CCNB3: variants seen among roughly 807,000 people sequenced by gnomAD.
CCNB3 encodes the protein G2/mitotic-specific cyclin-B3.
CCNB3 carries 12 observed loss-of-function variants against 68.0 expected under a neutral mutation model. The ratio of observed to expected loss-of-function variants is 0.18; its 90% CI spans 0.11 to 0.29. The LOEUF is 0.29. Among genes scored for constraint, CCNB3 ranks in the 10% least tolerant of loss-of-function variants. The pLI is 1.00. For synonymous variants in CCNB3, 354 were observed against 388.9 expected (o/e 0.91, Z 1.06); for missense variants, 904 against 993.1 (o/e 0.91, Z 1.21).
intron 11 of CCNB3, among the ~76,000 whole-genome samples, chrX:50,348,879 A>G (rs1923535038): frequency 8.9e-6 from 1 of 112,616 alleles, no homozygotes; most frequent in South Asian, 3.7e-4. Flanking sequence ...CCCATGCTGA[A>G]CCAGGCTTTG....
intron 8 of CCNB3, among the ~76,000 whole-genome samples, chrX:50,321,066 A>G (rs1313874611): frequency 9.0e-6 from 1 of 111,400 alleles, no homozygotes; most frequent in African/African-American, 3.3e-5. Context: ...TAACAATTTT[A>G]CTATTGTTTC....
In CCNB3 at chrX:50,351,813, C is replaced by T. The variant is rs1355320416; in HGVS notation, c.*110C>T. The T allele has an allele frequency of 2.0e-6, 1 of 500,298 alleles. No homozygotes were observed. Among genetic ancestry groups the T allele is most frequent in the African/African-American group, 2.4e-5 (1 of 41,944 alleles). The allele number at this position is 500,298 out of a possible 1,213,427, so 41.2% of individuals were successfully genotyped here. The stretch of plus-strand genomic sequence containing the variant: ...TTTCCTTTCTTTGTCTTTTCCCAAA[C>T]TGATAATGTTATAAATATTTATGTT... On this transcript the variant is annotated 3_prime_UTR_variant, in exon 13 of 13. Coordinates refer to ENST00000376042, the MANE Select transcript of CCNB3 (RefSeq NM_033031.3).
chrX:50,225,706 T>C (rs1602185415), intron 1 of CCNB3, among the ~76,000 whole-genome samples: 1 of 109,135 alleles, frequency 9.2e-6, no homozygotes, highest in Non-Finnish European at 1.9e-5. Flanking sequence ...ATACCCAGCT[T>C]TCTGGCTTCA....
chrX:50,216,472 G>A (rs1935574850), intron 1 of CCNB3, among the ~76,000 whole-genome samples: 1 of 109,995 alleles, frequency 9.1e-6, no homozygotes, highest in Admixed American at 9.7e-5. Context: ...GTTTCACCAT[G>A]TTAGCCAGGA....
chrX:50,347,749 C>G lies in CCNB3; in HGVS notation c.3934C>G (p.Leu1312Val), dbSNP rs782122360. The G allele has an allele frequency of 9.1e-6, 11 of 1,207,875 alleles. No individual in the cohort carries two copies. Among genetic ancestry groups the G allele is most frequent in the Non-Finnish European group, 1.2e-5 (11 of 894,700 alleles). Residue 1312 changes from leucine to valine, a missense_variant, in exon 11 of 13, where the codon CTC becomes GTC. By Grantham distance (32) the Leu-to-Val change is conservative. Transcript: ENST00000376042. ...AGCTGCTGCCTCCTTACTCCTGGCC[C>G]TCTACATGAAGAAGCTCGGATACTG... ...KLAAASLLLA[L>V]YMKKLGYWVP... is the part of the protein sequence containing the mutation.
intron 1 of CCNB3, among the ~76,000 whole-genome samples, chrX:50,215,941 CTT>C (rs1195858030): frequency 0.011 from 570 of 52,352 alleles, 1 homozygote; most frequent in Non-Finnish European, 0.017. Context: ...GGGTGTGCTT[CTT>C]TTTTTTTTTT....
chrX:50,300,646 C>T (rs1480859042), intron 5 of CCNB3, among the ~76,000 whole-genome samples: 36 of 111,011 alleles, frequency 3.2e-4, no homozygotes, highest in African/African-American at 1.1e-3. Flanking sequence ...ATCTTTGTGG[C>T]GTTCTCTGTA....
At chrX:50,340,528 C>T (rs1292237135) in intron 8 of CCNB3, among the ~76,000 whole-genome samples, 2 of 112,401 alleles carry the variant, frequency 1.8e-5, no homozygotes, top group Non-Finnish European at 1.9e-5. Flanking sequence ...TACACAAGGT[C>T]TCTAGCCAAG....
chrX:50,312,455 A>C, intron 6 of CCNB3, 82 bp from the exon 7 acceptor site: 2 of 773,119 alleles, frequency 2.6e-6, no homozygotes, highest in Admixed American at 2.3e-5. Context: ...AGTGGGGAGA[A>C]AGGAGTAATC....
At chrX:50,214,475 C>CATATATATATATAT (rs1184201216) in intron 1 of CCNB3, among the ~76,000 whole-genome samples, 303 of 9,430 alleles carry the variant, frequency 0.032, 41 homozygotes, top group Non-Finnish European at 0.053. Context: ...AGCTGTGGCC[C>CATATATATATATAT]ATATATATAT....
intron 5 of CCNB3, among the ~76,000 whole-genome samples, chrX:50,296,254 A>G (rs782733062): frequency 0.021 from 2,073 of 96,447 alleles, 68 homozygotes; most frequent in African/African-American, 0.074. Flanking sequence ...CATTAGGTAT[A>G]TCTCCTAATG....
In CCNB3 at chrX:50,285,148, G is replaced by A. The variant is rs1936213740; in HGVS notation, c.-16G>A. The A allele has an allele frequency of 8.5e-7, 1 of 1,173,384 alleles. No homozygotes were observed. The highest frequency in any genetic ancestry group is 1.8e-5 in the African/African-American group (1 of 56,388). On this transcript the variant is annotated 5_prime_UTR_variant, in exon 3 of 13. Transcript: ENST00000376042. The stretch of plus-strand genomic sequence containing the variant: ...ACAGCCCTGCCTTGGACAAGACGCA[G>A]CTGAATCTCTAAGTGATGCTACTGC...
intron 11 of CCNB3, among the ~76,000 whole-genome samples, chrX:50,350,351 G>A (rs1923612025): frequency 9.0e-6 from 1 of 111,617 alleles, no homozygotes; most frequent in Non-Finnish European, 1.9e-5. Flanking sequence ...GGTCCCAAGA[G>A]GTTAATTAAC....
intron 1 of CCNB3, among the ~76,000 whole-genome samples, chrX:50,228,611 A>G (rs1241503260): frequency 1.2e-5 from 1 of 86,496 alleles, no homozygotes. Context: ...TATATAGAAT[A>G]TATAGAATAT....
At chrX:50,279,370 A>C (rs1288941505) in intron 1 of CCNB3, among the ~76,000 whole-genome samples, 2 of 78,492 alleles carry the variant, frequency 2.5e-5, no homozygotes, top group Non-Finnish European at 4.5e-5. Context: ...TTATATGAAT[A>C]TATAAATATA....
At chrX:50,318,204 C>T (rs1921832117) in intron 8 of CCNB3, among the ~76,000 whole-genome samples, 1 of 101,584 alleles carries the variant, frequency 9.8e-6, no homozygotes, top group South Asian at 4.4e-4. Flanking sequence ...ATATTTTCAA[C>T]TCTATTCTTA....
intron 8 of CCNB3, among the ~76,000 whole-genome samples, chrX:50,327,579 C>T (rs1922355812): frequency 8.9e-6 from 1 of 112,644 alleles, no homozygotes; most frequent in Admixed American, 9.4e-5. Context: ...TATGCAAGCA[C>T]TAGCTATGGC....
At chrX:50,334,106 A>G (rs1322498930) in intron 8 of CCNB3, among the ~76,000 whole-genome samples, 1 of 112,352 alleles carries the variant, frequency 8.9e-6, no homozygotes, top group African/African-American at 3.2e-5. Context: ...CCCTGTGGCA[A>G]TGGTTTGGCT....
intron 8 of CCNB3, among the ~76,000 whole-genome samples, chrX:50,323,682 G>A (rs147836535): frequency 5.0e-4 from 56 of 112,154 alleles, no homozygotes; most frequent in African/African-American, 1.4e-3. Context: ...CACTTGATAT[G>A]CTTATACTTT....
Sources: gnomAD v4.1 joint callset for allele counts (sites outside exome capture counted in the v4.1 genomes callset) on GRCh38, gnomAD v4.1.1 for gene constraint, MANE v1.5 for transcripts, NCBI Gene and HGNC (gene_info 2026-07-23, HGNC 2026-07-21) for gene names.